The following DYNC2LI1 variants were observed in gnomAD, a reference collection of about 807,000 sequenced individuals.
DYNC2LI1 encodes the protein dynein cytoplasmic 2 light intermediate chain 1, also known as cytoplasmic dynein 2 light intermediate chain 1.
Under a neutral mutation model 51.9 loss-of-function variants are expected in DYNC2LI1, and 45 were observed. That is an observed-to-expected ratio of 0.87 (90% CI 0.68 to 1.11). The LOEUF is 1.11. Among genes scored for constraint, DYNC2LI1 ranks in the 50% most tolerant of loss-of-function variants. The pLI is 0.00. For missense variants in DYNC2LI1, 490 were observed against 417.4 expected, an observed-to-expected ratio of 1.17 and a Z score of -1.51; for synonymous variants, 130 against 137.8, an observed-to-expected ratio of 0.94 and a Z score of 0.40.
In DYNC2LI1 at chr2:43,793,415, A is replaced by C. The variant is rs1390700440; in HGVS notation, c.321-1042A>C. On this transcript the variant is annotated intron_variant, in intron 5 of 12. Transcript: ENST00000260605. ...CTTGAACCCGGGAGGCAGAGGTTGCAGTGAGCTGAGATCATGCCACTGTAC... is the reference window on the plus strand; with the variant it reads ...CTTGAACCCGGGAGGCAGAGGTTGCCGTGAGCTGAGATCATGCCACTGTAC... 3.3e-5 allele frequency: 5 copies of C among 152,726 alleles called. No individual in the cohort carries two copies. In the Admixed American group the frequency reaches 3.3e-4, roughly 10 times the overall value. The allele number at this position is 152,726 out of a possible 1,614,324, so 9.5% of individuals were successfully genotyped here.
At chr2:43,789,088 G>A (rs1673655006) in intron 4 of DYNC2LI1, among the ~76,000 whole-genome samples, 1 of 152,196 alleles carries the variant, frequency 6.6e-6, no homozygotes, top group Admixed American at 6.5e-5. Flanking sequence ...ATTCTCCACA[G>A]GAATCAGGAA....
At chr2:43,774,257 C>A in intron 1 of DYNC2LI1, 111 bp downstream of exon 1, 1 of 1,388,380 alleles carries the variant, frequency 7.2e-7, no homozygotes, top group Non-Finnish European at 1.0e-6. Flanking sequence ...TACTTGCCAC[C>A]AGGATATGCA....
downstream of DYNC2LI1, chr2:43,810,286 T>A: frequency 1.2e-6 from 1 of 858,604 alleles, no homozygotes; most frequent in Non-Finnish European, 1.4e-6. Context: ...AGTGTCGCCA[T>A]CAGTGGTCTG....
intron 5 of DYNC2LI1, among the ~76,000 whole-genome samples, chr2:43,791,214 T>C (rs893124782): frequency 4.0e-5 from 6 of 151,894 alleles, no homozygotes; most frequent in African/African-American, 1.5e-4. Flanking sequence ...GAGTGAGACA[T>C]TGTCTCTTTA....
At chr2:43,824,961 C>T in the DYNC2LI1 span, 1 of 1,614,044 alleles carries the variant, frequency 6.2e-7, no homozygotes, top group Admixed American at 1.7e-5. Context: ...AGCATTTCCG[C>T]TGGCGTGCCA....
At chr2:43,793,742 C>T (rs1202387944) in intron 5 of DYNC2LI1, 2 of 152,086 alleles carry the variant, frequency 1.3e-5, no homozygotes, top group African/African-American at 4.8e-5. Context: ...TCCCTGGCCT[C>T]TTTGCCCATT....
At chr2:43,808,964 TACACACACACAC>T (rs56090427) in intron 12 of DYNC2LI1, among the ~76,000 whole-genome samples, 10 of 145,574 alleles carry the variant, frequency 6.9e-5, no homozygotes, top group South Asian at 6.8e-4. Flanking sequence ...GGACAAAGGA[TACACACACACAC>T]ACACACACAC....
the DYNC2LI1 span, among the ~76,000 whole-genome samples, chr2:43,821,956 C>G: frequency 2.0e-5 from 3 of 152,130 alleles, no homozygotes; most frequent in Non-Finnish European, 4.4e-5. Context: ...TCTGATTCCC[C>G]TATCCCTACC....
At chr2:43,792,288 T>A (rs1673826758) in intron 5 of DYNC2LI1, among the ~76,000 whole-genome samples, 1 of 152,124 alleles carries the variant, frequency 6.6e-6, no homozygotes, top group African/African-American at 2.4e-5. Context: ...ATTGTTACTG[T>A]TTTGCTTGAA....
chr2:43,799,338 C>T (rs918823832), intron 8 of DYNC2LI1, among the ~76,000 whole-genome samples: 2 of 152,026 alleles, frequency 1.3e-5, no homozygotes, highest in African/African-American at 4.8e-5. Context: ...CCCAAAAGAA[C>T]AGGAGAAGAC....
Position 43,805,183 on chromosome 2 carries a change from C to A in DYNC2LI1, c.930C>A (p.Asp310Glu). ...TTAACACGCTGAAAGATATCAAGGA[C>A]CCTGCGAGAGATCCTCAGTATGCTG... The part of the protein sequence containing the change: ...KSINTLKDIK[D>E]PARDPQYAEN... The change falls in exon 12 of 13, where the codon GAC (aspartate) becomes GAA (glutamate). Residue 310 changes from aspartate to glutamate, a missense_variant. Transcript: ENST00000260605. 6.2e-7 allele frequency: 1 copy of A among 1,611,774 alleles called. No individual in the cohort carries two copies. The highest frequency in any genetic ancestry group is 8.5e-7 in the Non-Finnish European group (1 of 1,178,316).
At chr2:43,803,631 A>G (rs1188628323) in intron 10 of DYNC2LI1, among the ~76,000 whole-genome samples, 2 of 152,190 alleles carry the variant, frequency 1.3e-5, no homozygotes, top group Non-Finnish European at 2.9e-5. Flanking sequence ...CGACTGTGGT[A>G]GCAAATACAT....
At position 43,809,752 on chromosome 2, in the gene DYNC2LI1, C is replaced by T. The variant is rs374650741; in HGVS notation, c.1041C>T (p.Ile347=). 3.1e-6 allele frequency: 5 copies of T among 1,611,552 alleles called. No individual in the cohort carries two copies. The highest frequency in any genetic ancestry group is 1.3e-5 in the African/African-American group (1 of 74,836). ...KRSSSKSWKQ[I]ELDS ...GTTCTTCCAAGTCTTGGAAACAAAT[C>T]GAGCTTGATTCTTGAACCTATTTCA... is the stretch of plus-strand genomic sequence containing the variant. The change falls in exon 13 of 13, where the codon ATC becomes ATT. Residue 347 remains isoleucine (I), a synonymous_variant. Coordinates refer to ENST00000260605, the MANE Select transcript of DYNC2LI1 (RefSeq NM_016008.4).
At chr2:43,804,013 G>A (rs905486573) in intron 10 of DYNC2LI1, among the ~76,000 whole-genome samples, 1 of 152,074 alleles carries the variant, frequency 6.6e-6, no homozygotes, top group African/African-American at 2.4e-5. Context: ...TGTATATAGT[G>A]TAAAAAAACT....
the DYNC2LI1 span, among the ~76,000 whole-genome samples, chr2:43,817,096 G>T: frequency 6.6e-6 from 1 of 152,184 alleles, no homozygotes; most frequent in Admixed American, 6.5e-5. Context: ...TTAATTTTCA[G>T]CGATGGAAGT....
chr2:43,804,055 A>G (rs926011131), intron 10 of DYNC2LI1, among the ~76,000 whole-genome samples: 1 of 152,188 alleles, frequency 6.6e-6, no homozygotes. Flanking sequence ...TGTTCAGTCT[A>G]TATCATTTTG....
intron 5 of DYNC2LI1, chr2:43,792,888 T>C: frequency 7.5e-7 from 1 of 1,333,884 alleles, no homozygotes; most frequent in Non-Finnish European, 9.8e-7. Flanking sequence ...CACAGTTCAG[T>C]TATCCGTTAA....
At chr2:43,803,304 T>C (rs1666134483) in intron 10 of DYNC2LI1, among the ~76,000 whole-genome samples, 5 of 152,178 alleles carry the variant, frequency 3.3e-5, no homozygotes, top group Admixed American at 3.3e-4. Flanking sequence ...ACTAAACAAC[T>C]GTGGTACATC....
intron 9 of DYNC2LI1, among the ~76,000 whole-genome samples, chr2:43,801,119 A>G (rs1241569608): frequency 6.7e-6 from 1 of 148,722 alleles, no homozygotes; most frequent in Non-Finnish European, 1.5e-5. Flanking sequence ...TTTAATTATT[A>G]ATATTATTAT....
Sources: allele counts gnomAD v4.1 joint callset (sites outside exome capture counted in the v4.1 genomes callset), GRCh38; gene constraint gnomAD v4.1.1; transcripts MANE v1.5; gene names NCBI Gene and HGNC (gene_info 2026-07-23, HGNC 2026-07-21).